Variants in DTNBP1 observed in about 807,000 individuals in gnomAD.
The protein encoded by DTNBP1 is dysbindin.
A neutral mutation model predicts 42.8 loss-of-function variants in DTNBP1; 35 were observed. The observed-to-expected ratio is 0.82, with a 90% CI of 0.63 to 1.09. The LOEUF is 1.09. DTNBP1 is among the 50% of genes least tolerant of loss of function. DTNBP1 has a pLI of 0.00. For missense variants in DTNBP1, 457 were observed against 424.2 expected, an observed-to-expected ratio of 1.08 and a Z score of -0.68; for synonymous variants, 171 against 162.2, an observed-to-expected ratio of 1.05 and a Z score of -0.41.
intron 5 of DTNBP1, among the ~76,000 whole-genome samples, chr6:15,625,286 GAACT>G (rs959996134): frequency 3.3e-5 from 5 of 152,042 alleles, no homozygotes; most frequent in African/African-American, 7.2e-5. Flanking sequence ...AAAAAAAACT[GAACT>G]AACTCTCTAA....
At chr6:15,662,686 G>A in intron 1 of DTNBP1, 128 bp downstream of exon 1, 1 of 1,306,372 alleles carries the variant, frequency 7.7e-7, no homozygotes, top group Non-Finnish European at 1.1e-6. Context: ...TCCTCGGCGG[G>A]GCGGGGCGGG....
chr6:15,605,169 A>T (rs1234968309), intron 6 of DTNBP1, among the ~76,000 whole-genome samples: 4 of 152,222 alleles, frequency 2.6e-5, no homozygotes, highest in African/African-American at 9.6e-5. Flanking sequence ...ACTTGGAAAT[A>T]AGAAATATTT....
At chr6:15,527,334 A>C (rs192117983) in intron 8 of DTNBP1, among the ~76,000 whole-genome samples, 1 of 152,350 alleles carries the variant, frequency 6.6e-6, no homozygotes, top group East Asian at 1.9e-4. Context: ...TTAGTAAGAG[A>C]AATCGAAATC....
At position 15,613,352 on chromosome 6, in the gene DTNBP1, A is replaced by C. The variant is rs1581393388; in HGVS notation, c.488+1915T>G. 4.5e-4 allele frequency among the ~76,000 whole-genome samples: 36 copies of C among 79,884 alleles called. 16 individuals are homozygous for C. Among genetic ancestry groups the C allele is most frequent in the South Asian group, 1.0e-3 (2 of 1,980 alleles). 52.4% of individuals were successfully genotyped at this position (79,884 alleles called of 152,430 possible). The stretch of plus-strand genomic sequence containing the variant: ...AAAAAATGCCCCTTTTTTGACACGG[A>C]CCCCATTTTTTTTTTTTTTTTTTTT... On this transcript the variant is annotated intron_variant, in intron 6 of 9. Transcript: ENST00000344537.
At chr6:15,566,726 C>T (rs557225471) in intron 7 of DTNBP1, among the ~76,000 whole-genome samples, 5 of 144,940 alleles carry the variant, frequency 3.4e-5, no homozygotes, top group South Asian at 4.4e-4. Flanking sequence ...TTTTTGAGAC[C>T]GTCTCTCTCT....
At chr6:15,630,496 G>A (rs1759630719) in intron 4 of DTNBP1, among the ~76,000 whole-genome samples, 1 of 152,142 alleles carries the variant, frequency 6.6e-6, no homozygotes, top group South Asian at 2.1e-4. Context: ...AATAACAGGA[G>A]AGGCAAAACA....
At chr6:15,524,129 G>T (rs773051801) in intron 9 of DTNBP1, 1 of 1,367,596 alleles carries the variant, frequency 7.3e-7, no homozygotes, top group Admixed American at 2.2e-5. Context: ...TGGCAGGCAC[G>T]CCCCTAAATG....
At chr6:15,599,664 A>C (rs1449712990) in intron 6 of DTNBP1, among the ~76,000 whole-genome samples, 13 of 152,186 alleles carry the variant, frequency 8.5e-5, no homozygotes, top group Admixed American at 8.5e-4. Flanking sequence ...TGATGTATGC[A>C]TGAGGTAAAA....
At chr6:15,653,342 T>A (rs1423281035) in intron 1 of DTNBP1, among the ~76,000 whole-genome samples, 3 of 152,174 alleles carry the variant, frequency 2.0e-5, no homozygotes, top group Non-Finnish European at 4.4e-5. Context: ...GAAACCAATC[T>A]ATGGTAGTTT....
chr6:15,569,869 C>G (rs545322803), intron 7 of DTNBP1, among the ~76,000 whole-genome samples: 1 of 152,274 alleles, frequency 6.6e-6, no homozygotes, highest in South Asian at 2.1e-4. Context: ...CCTTTCTATA[C>G]TCCTTGGTAA....
chr6:15,655,325 A>G (rs1044156528), intron 1 of DTNBP1, among the ~76,000 whole-genome samples: 6 of 152,062 alleles, frequency 3.9e-5, no homozygotes, highest in East Asian at 1.9e-4. Flanking sequence ...GGGTCTCCCT[A>G]TGTTGCCCAG....
At chr6:15,566,615 C>G (rs1261677771) in intron 7 of DTNBP1, among the ~76,000 whole-genome samples, 1 of 151,940 alleles carries the variant, frequency 6.6e-6, no homozygotes, top group Admixed American at 6.5e-5. Context: ...AATATTTTAT[C>G]CCAAAATATG....
At chr6:15,571,035 G>A (rs1413437899) in intron 7 of DTNBP1, among the ~76,000 whole-genome samples, 1 of 152,016 alleles carries the variant, frequency 6.6e-6, no homozygotes, top group Non-Finnish European at 1.5e-5. Flanking sequence ...TGGTATTCTG[G>A]CTATGTTTAA....
At chr6:15,526,501 T>TG (rs1375353567) in intron 8 of DTNBP1, among the ~76,000 whole-genome samples, 2 of 152,150 alleles carry the variant, frequency 1.3e-5, no homozygotes, top group Non-Finnish European at 2.9e-5. Context: ...TATTTTTAGT[T>TG]GGGGAAAAGT....
chr6:15,603,359 G>A (rs1404307724), intron 6 of DTNBP1, among the ~76,000 whole-genome samples: 1 of 152,102 alleles, frequency 6.6e-6, no homozygotes, highest in Non-Finnish European at 1.5e-5. Context: ...AATAGGGAGA[G>A]GGGGGAGTAA....
chr6:15,585,064 A>AATATAT lies in DTNBP1; in HGVS notation c.511+7989_511+7994dup, dbSNP rs59261831. ...TGAAGTTATATGAAATTATGAAAAG[A>AATATAT]ATATATATATATATATATATATATA... On this transcript the variant is annotated intron_variant, in intron 7 of 9. Transcript: ENST00000344537. Among the ~76,000 whole-genome samples, 182 of 119,496 alleles carry AATATAT rather than the reference A, an allele frequency of 1.5e-3. 3 individuals are homozygous for AATATAT. The highest frequency in any genetic ancestry group is 2.0e-3 in the Non-Finnish European group (118 of 58,282). The allele number at this position is 119,496 out of a possible 152,430, so 78.4% of individuals were successfully genotyped here. A position where few individuals can be genotyped will look rare whatever the true frequency, so the allele number is the denominator to read the frequency against.
rs1222770420 is a variant in DTNBP1, at chr6:15,613,370, T to C, written c.488+1897A>G. Reference sequence around the variant, plus strand: ...GACACGGACCCCATTTTTTTTTTTTTTTTTTTTTTTTTTTGAGACGGAGTC... The same window carrying C: ...GACACGGACCCCATTTTTTTTTTTTCTTTTTTTTTTTTTTGAGACGGAGTC... On this transcript the variant is annotated intron_variant, in intron 6 of 9. Transcript: ENST00000344537. Among the ~76,000 whole-genome samples the C allele has an allele frequency of 7.2e-5, 9 of 125,180 alleles. 1 individual carries two copies. Among genetic ancestry groups the C allele is most frequent in the Non-Finnish European group, 1.0e-4 (6 of 57,866 alleles). 82.1% of individuals were successfully genotyped at this position (125,180 alleles called of 152,430 possible).
At chr6:15,568,837 A>G (rs556540635) in intron 7 of DTNBP1, among the ~76,000 whole-genome samples, 1 of 152,302 alleles carries the variant, frequency 6.6e-6, no homozygotes, top group Non-Finnish European at 1.5e-5. Context: ...ATGTTAATCA[A>G]CTGTTTATGT....
intron 5 of DTNBP1, among the ~76,000 whole-genome samples, chr6:15,623,874 T>C (rs1458205752): frequency 6.6e-6 from 1 of 152,262 alleles, no homozygotes; most frequent in Admixed American, 6.5e-5. Flanking sequence ...ATGTACAGAA[T>C]ACTAATATCA....
Sources: gnomAD v4.1 joint callset for allele counts (sites outside exome capture counted in the v4.1 genomes callset) on GRCh38, gnomAD v4.1.1 for gene constraint, MANE v1.5 for transcripts, NCBI Gene and HGNC (gene_info 2026-07-23, HGNC 2026-07-21) for gene names.